Variants in TMEM132B observed in about 807,000 individuals in gnomAD.
TMEM132B encodes the protein transmembrane protein 132B.
Under a neutral mutation model 90.8 loss-of-function variants are expected in TMEM132B, and 18 were observed. That is an observed-to-expected ratio of 0.20 (90% confidence interval 0.14 to 0.29). The LOEUF (loss-of-function observed/expected upper bound fraction) is 0.29. Ranked by LOEUF, TMEM132B falls within the 10% of genes least tolerant of loss-of-function variation. TMEM132B has a pLI of 1.00. For synonymous variants in TMEM132B, 504 were observed against 523.3 expected, an observed-to-expected ratio of 0.96 and a Z score of 0.50; for missense variants, 1,096 against 1,326.8, an observed-to-expected ratio of 0.83 and a Z score of 2.70.
At chr12:125,401,372 T>C (rs1879317121) in intron 2 of TMEM132B, among the ~76,000 whole-genome samples, 1 of 152,176 alleles carries the variant, frequency 6.6e-6, no homozygotes, top group Non-Finnish European at 1.5e-5. Flanking sequence ...AAGTGTATAT[T>C]GGGTACGGTT....
In TMEM132B at chr12:125,658,844, G is replaced by T. The variant is rs1887138490; in HGVS notation, c.*4134G>T. 6.6e-6 allele frequency: 1 copy of T among 152,186 alleles called. No individual in the cohort carries two copies. Among genetic ancestry groups the T allele is most frequent in the Non-Finnish European group, 1.5e-5 (1 of 68,042 alleles). 9.4% of individuals were successfully genotyped at this position (152,186 alleles called of 1,614,324 possible). ...TGAATTTGGAATTCTGGCCTAGAAAGGCTGTGGCTTATGTTGGGATTGATG... is the reference window on the plus strand; with the variant it reads ...TGAATTTGGAATTCTGGCCTAGAAATGCTGTGGCTTATGTTGGGATTGATG... On this transcript the variant is annotated 3_prime_UTR_variant, in exon 9 of 9. Coordinates refer to ENST00000682704, the MANE Select transcript of TMEM132B (RefSeq NM_001366854.1).
chr12:125,611,810 G>T (rs957241353), intron 5 of TMEM132B, among the ~76,000 whole-genome samples: 2 of 152,118 alleles, frequency 1.3e-5, no homozygotes, highest in Admixed American at 1.3e-4. Flanking sequence ...ACTGTGGCTT[G>T]ATTTATGGCC....
At chr12:125,494,434 GCC>G (rs1231717167) in intron 3 of TMEM132B, among the ~76,000 whole-genome samples, 23 of 125,350 alleles carry the variant, frequency 1.8e-4, no homozygotes, top group African/African-American at 3.1e-4. Context: ...CCTGGAAATG[GCC>G]GTGTCCCTCC....
At chr12:125,480,096 C>A (rs1566048757) in intron 3 of TMEM132B, among the ~76,000 whole-genome samples, 1 of 152,260 alleles carries the variant, frequency 6.6e-6, no homozygotes, top group East Asian at 1.9e-4. Context: ...ATCTCTGGGA[C>A]ACATTTAAAG....
Position 125,654,868 on chromosome 12 carries a change from T to C in TMEM132B, c.*158T>C. On this transcript the variant is annotated 3_prime_UTR_variant, in exon 9 of 9. Coordinates refer to ENST00000682704, the MANE Select transcript of TMEM132B (RefSeq NM_001366854.1). The surrounding 1 kb of genome is among the most constrained non-coding windows in gnomAD (Gnocchi z 5.8). Reference sequence around the variant, plus strand: ...CAGGTAAAAGAGGTTTGGAGAGCTATAGAAGCTGGGTTTTAAGTTTGGAAA... The same window carrying C: ...CAGGTAAAAGAGGTTTGGAGAGCTACAGAAGCTGGGTTTTAAGTTTGGAAA... 1.1e-6 allele frequency: 1 copy of C among 877,556 alleles called. No individual in the cohort carries two copies. The highest frequency in any genetic ancestry group is 1.7e-6 in the Non-Finnish European group (1 of 593,516). 54.4% of individuals were successfully genotyped at this position (877,556 alleles called of 1,614,324 possible). A position where few individuals can be genotyped will look rare whatever the true frequency, so the allele number is the denominator to read the frequency against.
At chr12:125,494,184 C>T (rs907651015) in intron 3 of TMEM132B, among the ~76,000 whole-genome samples, 2 of 140,918 alleles carry the variant, frequency 1.4e-5, no homozygotes, top group African/African-American at 5.4e-5. Flanking sequence ...CGTCCCTCCT[C>T]CCCCTCCTCC....
intron 6 of TMEM132B, among the ~76,000 whole-genome samples, chr12:125,648,568 T>C (rs1886828325): frequency 6.6e-6 from 1 of 151,732 alleles, no homozygotes; most frequent in Non-Finnish European, 1.5e-5. Context: ...TTGTTTTAGC[T>C]TTTAGTGAAT....
At chr12:125,444,514 C>T (rs1880952670) in intron 3 of TMEM132B, among the ~76,000 whole-genome samples, 1 of 152,122 alleles carries the variant, frequency 6.6e-6, no homozygotes, top group Non-Finnish European at 1.5e-5. Flanking sequence ...AAATATTTTG[C>T]TATTATCAAT....
At chr12:125,432,523 A>G (rs1266016317) in intron 3 of TMEM132B, among the ~76,000 whole-genome samples, 38 of 68,296 alleles carry the variant, frequency 5.6e-4, no homozygotes, top group East Asian at 2.4e-3. Flanking sequence ...ATATATATAT[A>G]TATATAGAGA....
chr12:125,247,388 G>A (rs978124126), intron 1 of TMEM132B, among the ~76,000 whole-genome samples: 2 of 152,100 alleles, frequency 1.3e-5, no homozygotes, highest in Admixed American at 1.3e-4. Context: ...GGGATCTTTG[G>A]AGGTTCTCCT....
At chr12:125,399,481 G>A (rs993600197) in intron 2 of TMEM132B, among the ~76,000 whole-genome samples, 1 of 47,198 alleles carries the variant, frequency 2.1e-5, no homozygotes, top group African/African-American at 8.1e-5. Flanking sequence ...GTGTGTGTGT[G>A]TATGTGTGTG....
chr12:125,235,639 C>T (rs1873917472), intron 1 of TMEM132B, among the ~76,000 whole-genome samples: 1 of 152,134 alleles, frequency 6.6e-6, no homozygotes, highest in Admixed American at 6.5e-5. Context: ...GCCCCAGCCC[C>T]AGCAATCACT....
chr12:125,273,106 G>T (rs12309642), intron 1 of TMEM132B, among the ~76,000 whole-genome samples: 9,340 of 151,692 alleles, frequency 0.062, 976 homozygotes, highest in African/African-American at 0.21. Context: ...ACAATGAATA[G>T]CCATGTACCT....
chr12:125,314,825 G>A (rs1012038331), intron 1 of TMEM132B, among the ~76,000 whole-genome samples: 3 of 152,188 alleles, frequency 2.0e-5, no homozygotes, highest in African/African-American at 7.2e-5. Flanking sequence ...AAGATTAGCT[G>A]AGAAATGTCT....
chr12:125,477,601 T>C (rs956933455), intron 3 of TMEM132B, among the ~76,000 whole-genome samples: 11 of 152,234 alleles, frequency 7.2e-5, no homozygotes, highest in Non-Finnish European at 5.9e-5. Context: ...TTTTCAACTT[T>C]AGTTAATATT....
At chr12:125,548,413 G>A (rs1173237651) in intron 4 of TMEM132B, among the ~76,000 whole-genome samples, 1 of 152,138 alleles carries the variant, frequency 6.6e-6, no homozygotes, top group African/African-American at 2.4e-5. Flanking sequence ...ATTAAAAAAT[G>A]ATTGAGTCTA....
chr12:125,426,018 T>C lies in TMEM132B; in HGVS notation c.1106+10341T>C, dbSNP rs532999620. 2.6e-5 allele frequency among the ~76,000 whole-genome samples: 4 copies of C among 152,366 alleles called. No individual in the cohort carries two copies. The Middle Eastern group carries it at 0.01, about 389-fold the overall frequency. On this transcript the variant is annotated intron_variant, in intron 3 of 8. Transcript: ENST00000682704. ...GAATATGTTTAGTTTTGTAAAAAACTGCTAGACTGTCTTCCAAAGCGGGTG... is the reference window on the plus strand; with the variant it reads ...GAATATGTTTAGTTTTGTAAAAAACCGCTAGACTGTCTTCCAAAGCGGGTG...
rs1378563701 is a variant in TMEM132B, at chr12:125,589,962, G to A, written c.1437+5968G>A. Among the ~76,000 whole-genome samples the A allele has an allele frequency of 3.9e-5, 6 of 152,102 alleles. No homozygotes were observed. The East Asian group carries it at 9.8e-4, about 25-fold the overall frequency. On this transcript the variant is annotated intron_variant, in intron 5 of 8. Coordinates refer to ENST00000682704, the MANE Select transcript of TMEM132B (RefSeq NM_001366854.1). The stretch of plus-strand genomic sequence containing the variant: ...CAGTGGTGGAGGTGGGGCCTGGTGG[G>A]AGGTGTTTGGGTCATAGGTGCGGAT...
At chr12:125,435,217 A>G (rs1880665996) in intron 3 of TMEM132B, among the ~76,000 whole-genome samples, 1 of 152,248 alleles carries the variant, frequency 6.6e-6, no homozygotes, top group South Asian at 2.1e-4. Context: ...CCTGGCTGGA[A>G]AACCCCACTT....
Sources: allele counts gnomAD v4.1 joint callset (sites outside exome capture counted in the v4.1 genomes callset), GRCh38; gene constraint gnomAD v4.1.1; non-coding constraint Gnocchi (gnomAD v3.1); transcripts MANE v1.5; gene names NCBI Gene and HGNC (gene_info 2026-07-23, HGNC 2026-07-21).